The following HEATR5A variants were observed in gnomAD, a reference collection of about 807,000 sequenced individuals.
HEATR5A encodes the protein HEAT repeat containing 5A.
In HEATR5A, 178 loss-of-function variants were observed where a neutral mutation model predicts 218.8. The ratio of observed to expected loss-of-function variants is 0.81; its 90% CI spans 0.72 to 0.92. HEATR5A has a LOEUF of 0.92. HEATR5A is among the 40% of genes least tolerant of loss of function. HEATR5A has a pLI of 0.00. For missense variants in HEATR5A, 2,420 were observed against 2,418.9 expected (o/e 1.00, Z -0.01); for synonymous variants, 864 against 871.6 (o/e 0.99, Z 0.15).
Position 31,358,878 on chromosome 14 carries a change from T to A in HEATR5A, c.2235+16A>T. 1.3e-6 allele frequency: 2 copies of A among 1,597,560 alleles called. No individual in the cohort carries two copies. The highest frequency in any genetic ancestry group is 3.6e-5 in the Admixed American group (2 of 56,138). Reference sequence around the variant, plus strand: ...ATCACAGATTGAATCTAATCAAGAGTAAAAAATGGCCATACCTGTTCTTCA... The same window carrying A: ...ATCACAGATTGAATCTAATCAAGAGAAAAAAATGGCCATACCTGTTCTTCA... On this transcript the variant is annotated intron_variant, in intron 15 of 35. Coordinates refer to ENST00000543095, the MANE Select transcript of HEATR5A (RefSeq NM_015473.4).
chr14:31,375,466 C>T (rs1248964282), intron 11 of HEATR5A, among the ~76,000 whole-genome samples: 1 of 152,152 alleles, frequency 6.6e-6, no homozygotes. Flanking sequence ...ATGATCACAG[C>T]TCACTGCAAT....
At chr14:31,397,213 T>G (rs908712974) in intron 4 of HEATR5A, among the ~76,000 whole-genome samples, 4 of 152,208 alleles carry the variant, frequency 2.6e-5, no homozygotes, top group African/African-American at 9.6e-5. Context: ...TGTTTTGCCT[T>G]GTTACATTTT....
chr14:31,300,538 G>A (rs1899336965), intron 33 of HEATR5A, among the ~76,000 whole-genome samples: 1 of 151,980 alleles, frequency 6.6e-6, no homozygotes, highest in Non-Finnish European at 1.5e-5. Context: ...CCAGCTGTGG[G>A]AAGTGTGATC....
intron 34 of HEATR5A, among the ~76,000 whole-genome samples, chr14:31,294,392 TA>T (rs1899109213): frequency 1.3e-5 from 2 of 149,152 alleles, no homozygotes; most frequent in African/African-American, 2.5e-5. Flanking sequence ...CTCTATAATG[TA>T]AAAAACAAAA....
chr14:31,409,995 A>G (rs370937366), intron 1 of HEATR5A, among the ~76,000 whole-genome samples: 2 of 152,188 alleles, frequency 1.3e-5, no homozygotes, highest in African/African-American at 4.8e-5. Context: ...AAGGGCGGAA[A>G]AGGGAAAAAT....
chr14:31,350,249 G>A (rs1901174005), intron 17 of HEATR5A, among the ~76,000 whole-genome samples: 1 of 152,122 alleles, frequency 6.6e-6, no homozygotes, highest in African/African-American at 2.4e-5. Context: ...TAACAGAGAT[G>A]TCCACAAAAT....
intron 12 of HEATR5A, 131 bp downstream of exon 12, chr14:31,374,685 A>T: frequency 1.3e-6 from 1 of 770,408 alleles, no homozygotes; most frequent in Non-Finnish European, 2.0e-6. Context: ...TTTTTTGTTC[A>T]GTTACAAAAA....
intron 23 of HEATR5A, among the ~76,000 whole-genome samples, chr14:31,324,765 C>T (rs981877976): frequency 6.0e-5 from 9 of 149,588 alleles, no homozygotes; most frequent in African/African-American, 1.2e-4. Context: ...TGGGCTCAGG[C>T]GACATTTTCT....
intron 6 of HEATR5A, among the ~76,000 whole-genome samples, chr14:31,389,970 G>A (rs977158476): frequency 6.6e-6 from 1 of 152,166 alleles, no homozygotes; most frequent in Non-Finnish European, 1.5e-5. Context: ...CAGGAATATG[G>A]GGGTGGAGTG....
At chr14:31,402,235 T>A (rs1163932743) in intron 2 of HEATR5A, among the ~76,000 whole-genome samples, 2 of 152,220 alleles carry the variant, frequency 1.3e-5, no homozygotes, top group Non-Finnish European at 2.9e-5. Context: ...CTGCATATAG[T>A]ACTGTGATTA....
chr14:31,335,278 T>C (rs2139190024), intron 22 of HEATR5A, among the ~76,000 whole-genome samples: 1 of 152,166 alleles, frequency 6.6e-6, no homozygotes, highest in East Asian at 1.9e-4. Flanking sequence ...CCCACAATAC[T>C]AGGTATTGTG....
intron 14 of HEATR5A, among the ~76,000 whole-genome samples, chr14:31,361,771 AT>A (rs1339194178): frequency 6.6e-6 from 1 of 152,148 alleles, no homozygotes; most frequent in Non-Finnish European, 1.5e-5. Flanking sequence ...TTTTACTCCA[AT>A]CCTTCGGAAA....
intron 1 of HEATR5A, among the ~76,000 whole-genome samples, chr14:31,404,908 T>C (rs1394064891): frequency 6.7e-6 from 1 of 149,456 alleles, no homozygotes; most frequent in Non-Finnish European, 1.5e-5. Context: ...TGAGACCCTG[T>C]CTCAAAATAA....
intron 26 of HEATR5A, 74 bp downstream of exon 26, chr14:31,318,150 C>A: frequency 7.9e-7 from 1 of 1,270,558 alleles, no homozygotes; most frequent in Non-Finnish European, 1.1e-6. Context: ...AAAGAAAAAA[C>A]ATTGGTAAAA....
intron 21 of HEATR5A, among the ~76,000 whole-genome samples, chr14:31,338,032 C>G (rs939411426): frequency 6.6e-6 from 1 of 152,140 alleles, no homozygotes; most frequent in Non-Finnish European, 1.5e-5. Flanking sequence ...ATAGGCAATA[C>G]AGCATATTGG....
intron 2 of HEATR5A, 79 bp downstream of exon 2, chr14:31,402,770 TG>T: frequency 7.5e-7 from 1 of 1,336,564 alleles, no homozygotes; most frequent in Non-Finnish European, 1.0e-6. Flanking sequence ...TAGGTTATTC[TG>T]GAAAAAACTA....
At chr14:31,398,136 AGAG>A (rs1473558696) in intron 4 of HEATR5A, among the ~76,000 whole-genome samples, 1 of 152,214 alleles carries the variant, frequency 6.6e-6, no homozygotes, top group African/African-American at 2.4e-5. Context: ...AGGGTGTTCC[AGAG>A]GAGTAAGTGA....
chr14:31,385,706 C>A (rs763147908), intron 9 of HEATR5A, among the ~76,000 whole-genome samples: 4 of 151,918 alleles, frequency 2.6e-5, no homozygotes, highest in Non-Finnish European at 5.9e-5. Context: ...ACCTTATAAG[C>A]GTAAACTTCA....
chr14:31,347,933 C>T (rs750744670), intron 18 of HEATR5A, 26 bp from the exon 19 acceptor site: 39 of 1,369,244 alleles, frequency 2.8e-5, no homozygotes, highest in East Asian at 1.1e-4. Context: ...TAAAAATAAA[C>T]GGTAATCACT....
Sources: gnomAD v4.1 joint callset for allele counts (sites outside exome capture counted in the v4.1 genomes callset) on GRCh38, gnomAD v4.1.1 for gene constraint, MANE v1.5 for transcripts, NCBI Gene and HGNC (gene_info 2026-07-23, HGNC 2026-07-21) for gene names.